The following PLXNA2 variants were observed in gnomAD, a reference collection of about 807,000 sequenced individuals.
PLXNA2 encodes the protein plexin A2.
A neutral mutation model predicts 193.5 loss-of-function variants in PLXNA2; 91 were observed. The observed-to-expected ratio is 0.47, with a 90% confidence interval of 0.40 to 0.56. The LOEUF (loss-of-function observed/expected upper bound fraction) is 0.56. Ranked by LOEUF, PLXNA2 falls within the 20% of genes least tolerant of loss-of-function variation. PLXNA2 has a pLI of 0.00. For synonymous variants in PLXNA2, 997 were observed against 1,027.3 expected (o/e 0.97, Z 0.56); for missense variants, 1,995 against 2,503.2 (o/e 0.80, Z 4.33).
intron 13 of PLXNA2, among the ~76,000 whole-genome samples, chr1:208,059,185 C>A (rs896765136): frequency 2.0e-5 from 3 of 152,210 alleles, no homozygotes; most frequent in Non-Finnish European, 4.4e-5. Context: ...TAAAGATGGT[C>A]TGCCAGGAGG....
At chr1:208,080,816 A>G (rs1410516708) in intron 11 of PLXNA2, among the ~76,000 whole-genome samples, 1 of 152,152 alleles carries the variant, frequency 6.6e-6, no homozygotes, top group African/African-American at 2.4e-5. Context: ...CCTTCCCTCC[A>G]CTTCACAGAT....
rs188256215 is a variant in PLXNA2, at chr1:208,158,363, C to G, written c.1372-15900G>C. On this transcript the variant is annotated intron_variant, in intron 3 of 31. Coordinates refer to ENST00000367033, the MANE Select transcript of PLXNA2 (RefSeq NM_025179.4). ...CTCTGTGCTGTCTCTACTTCTTTCTCCCTGTGTCTGTCTCCTCTCTCATAC... is the reference window on the plus strand; with the variant it reads ...CTCTGTGCTGTCTCTACTTCTTTCTGCCTGTGTCTGTCTCCTCTCTCATAC... 2.0e-5 allele frequency among the ~76,000 whole-genome samples: 3 copies of G among 152,288 alleles called. No individual in the cohort carries two copies. In the East Asian group the frequency reaches 5.8e-4, roughly 29 times the overall value.
In PLXNA2 at chr1:208,217,059, G is replaced by C. The variant is rs1487617118; in HGVS notation, c.864C>G (p.Pro288=). 7.4e-6 allele frequency: 12 copies of C among 1,613,526 alleles called. No individual in the cohort carries two copies. The highest frequency in any genetic ancestry group is 1.0e-5 in the Non-Finnish European group (12 of 1,179,516). The stretch of plus-strand genomic sequence containing the variant: ...GCAGGGACACGTATGAGTGGAACTT[G>C]GGGTCATCCTTGCAGAGCCGCACGA... ...SRIVRLCKDD[P]KFHSYVSLPF... Residue 288 remains proline, a synonymous_variant, in exon 2 of 32, where the codon CCC becomes CCG. Transcript: ENST00000367033. The surrounding 1 kb of genome is among the most constrained non-coding windows in gnomAD (Gnocchi z 4.7).
At chr1:208,235,842 G>C (rs542848989) in intron 1 of PLXNA2, among the ~76,000 whole-genome samples, 2 of 152,312 alleles carry the variant, frequency 1.3e-5, no homozygotes, top group South Asian at 4.1e-4. Context: ...TGAAGAACTT[G>C]AAGAACTTGA....
chr1:208,060,660 A>T, intron 13 of PLXNA2, 26 bp downstream of exon 13: 1 of 1,591,914 alleles, frequency 6.3e-7, no homozygotes, highest in Non-Finnish European at 8.6e-7. Context: ...CTCCCATGGG[A>T]AAAGGGCTGG....
At chr1:208,056,031 G>A (rs753264) in intron 13 of PLXNA2, among the ~76,000 whole-genome samples, 73,946 of 152,082 alleles carry the variant, frequency 0.49, 18,786 homozygotes, top group Non-Finnish European at 0.57. Context: ...TATTTTACAC[G>A]TAACTGTCTC....
At chr1:208,056,239 G>T (rs541939926) in intron 13 of PLXNA2, among the ~76,000 whole-genome samples, 1 of 152,326 alleles carries the variant, frequency 6.6e-6, no homozygotes, top group South Asian at 2.1e-4. Flanking sequence ...GAATCAACTA[G>T]CTATTGTGGG....
intron 13 of PLXNA2, among the ~76,000 whole-genome samples, chr1:208,056,353 A>G (rs1665431186): frequency 6.6e-6 from 1 of 152,274 alleles, no homozygotes; most frequent in South Asian, 2.1e-4. Context: ...ACCCTCGGAC[A>G]CTCTGCTGGA....
At chr1:208,205,638 G>T (rs1572030480) in intron 3 of PLXNA2, among the ~76,000 whole-genome samples, 1 of 152,226 alleles carries the variant, frequency 6.6e-6, no homozygotes, top group South Asian at 2.1e-4. Context: ...GTATCATTGA[G>T]AAGATCTGAG....
intron 21 of PLXNA2, 31 bp downstream of exon 21, chr1:208,043,030 T>G: frequency 6.2e-7 from 1 of 1,611,184 alleles, no homozygotes; most frequent in Non-Finnish European, 8.5e-7. Flanking sequence ...GCATCCCTGC[T>G]GGGTGGCTGG....
At chr1:208,036,890 C>T (rs529362409) in intron 26 of PLXNA2, among the ~76,000 whole-genome samples, 1 of 152,314 alleles carries the variant, frequency 6.6e-6, no homozygotes, top group South Asian at 2.1e-4. Context: ...GTATCAGAGA[C>T]AGAAGCAGAA....
At chr1:208,190,152 G>A (rs1224193409) in intron 3 of PLXNA2, among the ~76,000 whole-genome samples, 2 of 152,162 alleles carry the variant, frequency 1.3e-5, no homozygotes, top group Non-Finnish European at 2.9e-5. Flanking sequence ...AGGCAGAAAA[G>A]GGATTTTTTT....
At chr1:208,103,075 C>T in intron 5 of PLXNA2, 72 bp downstream of exon 5, 1 of 976,208 alleles carries the variant, frequency 1.0e-6, no homozygotes, top group Non-Finnish European at 1.6e-6. Flanking sequence ...AAAGTACTGT[C>T]ATATCCCATC....
intron 2 of PLXNA2, among the ~76,000 whole-genome samples, 182 bp from the exon 3 acceptor site, chr1:208,210,644 A>T (rs1218745629): frequency 6.6e-6 from 1 of 152,090 alleles, no homozygotes. Context: ...CACAAATTCC[A>T]TGTTGGTTCT....
In PLXNA2 at chr1:208,229,276, G is replaced by C. The variant is rs148816202; in HGVS notation, c.-80-11274C>G. ...TGATTCTAGCACACACTACATTGCA[G>C]CATTGAGCTGTCTTTTTTATGTGAC... is the stretch of plus-strand genomic sequence containing the variant. On this transcript the variant is annotated intron_variant, in intron 1 of 31. Coordinates refer to ENST00000367033, the MANE Select transcript of PLXNA2 (RefSeq NM_025179.4). 1.0e-3 allele frequency among the ~76,000 whole-genome samples: 153 copies of C among 152,276 alleles called. 2 individuals carry two copies. Among genetic ancestry groups the C allele is most frequent in the African/African-American group, 3.5e-3 (145 of 41,552 alleles).
At chr1:208,032,031 AG>A in intron 28 of PLXNA2, 1 of 985,078 alleles carries the variant, frequency 1.0e-6, no homozygotes, top group Non-Finnish European at 1.2e-6. Flanking sequence ...GGTCTTTGAC[AG>A]GAAGACAGGA....
At position 208,082,524 on chromosome 1, in the gene PLXNA2, C is replaced by T. The variant is rs773736057; in HGVS notation, c.2299-16G>A. On this transcript the variant is annotated splice_polypyrimidine_tract_variant and intron_variant, in intron 10 of 31. Transcript: ENST00000367033. This position sits in a 1 kb window ranked among gnomAD's most constrained non-coding sequence, Gnocchi z 4.2. ...CATACTGGTACTATAGGGAGACGGG[C>T]AGAGGCATGGGGCTCATGTGGCTCT... is the stretch of plus-strand genomic sequence containing the variant. 3 of 1,601,248 alleles carry T rather than the reference C, an allele frequency of 1.9e-6. No individual in the cohort carries two copies. The highest frequency in any genetic ancestry group is 2.2e-5 in the East Asian group (1 of 44,780).
At chr1:208,220,801 T>TGA (rs1672348504) in intron 1 of PLXNA2, among the ~76,000 whole-genome samples, 2 of 152,104 alleles carry the variant, frequency 1.3e-5, no homozygotes, top group South Asian at 4.2e-4. Flanking sequence ...CCACAGCTCT[T>TGA]GACTTCTCTT....
chr1:208,027,453 A>G, intron 31 of PLXNA2, 115 bp from the exon 32 acceptor site: 2 of 680,738 alleles, frequency 2.9e-6, no homozygotes, highest in Admixed American at 2.5e-5. Flanking sequence ...CTTCATGCAC[A>G]TAACCTTAAA....
Sources: allele counts gnomAD v4.1 joint callset (sites outside exome capture counted in the v4.1 genomes callset), GRCh38; gene constraint gnomAD v4.1.1; non-coding constraint Gnocchi (gnomAD v3.1); transcripts MANE v1.5; gene names NCBI Gene and HGNC (gene_info 2026-07-23, HGNC 2026-07-21).